ITPRID1: variants seen among roughly 807,000 people sequenced by gnomAD.
The protein encoded by ITPRID1 is protein ITPRID1.
A neutral mutation model predicts 95.4 loss-of-function variants in ITPRID1; 96 were observed. The ratio of observed to expected loss-of-function variants is 1.01; its 90% CI spans 0.85 to 1.19. ITPRID1 has a LOEUF of 1.19. ITPRID1 is among the 50% of genes most tolerant of loss of function. The probability of loss-of-function intolerance (pLI) is 0.00; values close to 1 mark genes in which losing one functional copy is unlikely to be tolerated. For synonymous variants in ITPRID1, 510 were observed against 453.6 expected (o/e 1.12, Z -1.58); for missense variants, 1,339 against 1,252.9 (o/e 1.07, Z -1.04).
Position 31,628,658 on chromosome 7 carries a change from G to A in ITPRID1, c.1229-13518G>A, listed in dbSNP as rs570568891. 9.9e-4 allele frequency among the ~76,000 whole-genome samples: 151 copies of A among 151,940 alleles called. 1 individual carries two copies. Among genetic ancestry groups the A allele is most frequent in the South Asian group, 8.9e-3 (43 of 4,806 alleles). On this transcript the variant is annotated intron_variant, in intron 10 of 14. Coordinates refer to ENST00000615280, the MANE Select transcript of ITPRID1 (RefSeq NM_001257967.3). ...TTTTTAGTAGAGACAGGGTTTCACCGTGTTAGCCAGGATGGTCTCAATCTC... is the reference window on the plus strand; with the variant it reads ...TTTTTAGTAGAGACAGGGTTTCACCATGTTAGCCAGGATGGTCTCAATCTC...
At chr7:31,631,494 T>C (rs751975203) in intron 10 of ITPRID1, among the ~76,000 whole-genome samples, 3 of 152,262 alleles carry the variant, frequency 2.0e-5, no homozygotes, top group African/African-American at 4.8e-5. Flanking sequence ...TTTTTATTTA[T>C]GATTTTTTAT....
At chr7:31,641,090 G>C (rs1462387365) in intron 10 of ITPRID1, among the ~76,000 whole-genome samples, 5 of 152,134 alleles carry the variant, frequency 3.3e-5, no homozygotes, top group Non-Finnish European at 7.4e-5. Context: ...GGACCGTTAA[G>C]GCTCTCAGGC....
At position 31,578,207 on chromosome 7, in the gene ITPRID1, C is replaced by T. The variant is rs752290831; in HGVS notation, c.943C>T (p.His315Tyr). 1 of 1,613,642 alleles carries T rather than the reference C, an allele frequency of 6.2e-7. No individual in the cohort carries two copies. The highest frequency in any genetic ancestry group is 1.1e-5 in the South Asian group (1 of 91,036). The change falls in exon 9 of 15, where the codon CAT (histidine) becomes TAT (tyrosine). Residue 315 changes from histidine to tyrosine, a missense_variant. Coordinates refer to ENST00000615280, the MANE Select transcript of ITPRID1 (RefSeq NM_001257967.3). ...AAATCATTTGTCTCTGTCAGTAGAA[C>T]ATCAGTCTCTCCAAGCCTGTGATGA... ...KQNHLSLSVEHQSLQACDDLL... is the reference protein window; with the variant it reads ...KQNHLSLSVEYQSLQACDDLL...
intron 10 of ITPRID1, among the ~76,000 whole-genome samples, chr7:31,592,447 G>A (rs541379008): frequency 6.6e-6 from 1 of 152,260 alleles, no homozygotes; most frequent in East Asian, 1.9e-4. Context: ...TACCATTCAA[G>A]TTGATTAAGA....
rs1784212559 is a variant in ITPRID1, at chr7:31,549,536, C to G, written c.-24+37C>G. 6 of 1,421,210 alleles carry G rather than the reference C, an allele frequency of 4.2e-6. No homozygotes were observed. The African/African-American group carries it at 7.1e-5, about 17-fold the overall frequency. 88.0% of individuals were successfully genotyped at this position (1,421,210 alleles called of 1,614,324 possible). A position where few individuals can be genotyped will look rare whatever the true frequency, so the allele number is the denominator to read the frequency against. ...GGATATATTTTTCATTAAATTTTCCCAAAAACTCCATAAAGTGTTTATTTC... is the reference window on the plus strand; with the variant it reads ...GGATATATTTTTCATTAAATTTTCCGAAAAACTCCATAAAGTGTTTATTTC... On this transcript the variant is annotated intron_variant, in intron 2 of 14. Transcript: ENST00000615280.
intron 1 of ITPRID1, among the ~76,000 whole-genome samples, chr7:31,522,062 C>CA (rs1783281625): frequency 6.6e-6 from 1 of 151,954 alleles, no homozygotes; most frequent in Non-Finnish European, 1.5e-5. Flanking sequence ...TTTCTTACCC[C>CA]AAAATTAGTG....
chr7:31,555,696 G>C (rs1784423397), intron 5 of ITPRID1, among the ~76,000 whole-genome samples: 1 of 152,062 alleles, frequency 6.6e-6, no homozygotes, highest in African/African-American at 2.4e-5. Flanking sequence ...CATAAATTAG[G>C]AACTTAATGG....
chr7:31,548,470 A>G lies in ITPRID1; in HGVS notation c.-97-956A>G, dbSNP rs61526462. On this transcript the variant is annotated intron_variant, in intron 1 of 14. Coordinates refer to ENST00000615280, the MANE Select transcript of ITPRID1 (RefSeq NM_001257967.3). ...TTTTTAAGGAAGAAATGAAAGAGCC[A>G]TAGCTTGAGGAACCATATCCCAGTT... Among the ~76,000 whole-genome samples the G allele has an allele frequency of 5.1e-3, 771 of 152,292 alleles. 5 individuals carry two copies. The highest frequency in any genetic ancestry group is 0.017 in the African/African-American group (727 of 41,566).
chr7:31,646,256 T>G (rs980517854), intron 12 of ITPRID1, among the ~76,000 whole-genome samples: 4 of 152,192 alleles, frequency 2.6e-5, no homozygotes, highest in Non-Finnish European at 5.9e-5. Flanking sequence ...AGAGCATGAC[T>G]GGTCAGTAGC....
intron 10 of ITPRID1, among the ~76,000 whole-genome samples, chr7:31,613,870 C>T (rs763486): frequency 0.47 from 71,413 of 152,026 alleles, 17,381 homozygotes; most frequent in African/African-American, 0.59. Flanking sequence ...TGCTTGAATA[C>T]TATGTTATGA....
intron 10 of ITPRID1, among the ~76,000 whole-genome samples, chr7:31,603,049 C>T (rs184751106): frequency 6.6e-6 from 1 of 152,198 alleles, no homozygotes; most frequent in Non-Finnish European, 1.5e-5. Context: ...GGTAGCCACA[C>T]TTCATAAAGT....
intron 10 of ITPRID1, among the ~76,000 whole-genome samples, chr7:31,632,485 G>C (rs990560974): frequency 6.6e-6 from 1 of 152,058 alleles, no homozygotes; most frequent in Non-Finnish European, 1.5e-5. Context: ...ATCCATGACA[G>C]GATGGAACCA....
At chr7:31,571,522 C>G (rs902844145) in intron 6 of ITPRID1, among the ~76,000 whole-genome samples, 1 of 152,192 alleles carries the variant, frequency 6.6e-6, no homozygotes, top group Non-Finnish European at 1.5e-5. Context: ...TATATTATGA[C>G]AGGGTTCCAC....
At position 31,527,365 on chromosome 7, in the gene ITPRID1, C is replaced by G. The variant is rs148868825; in HGVS notation, c.-98+13245C>G. Among the ~76,000 whole-genome samples, 266 of 152,342 alleles carry G rather than the reference C, an allele frequency of 1.7e-3. 4 individuals are homozygous for G. The highest frequency in any genetic ancestry group is 6.3e-3 in the African/African-American group (260 of 41,586). On this transcript the variant is annotated intron_variant, in intron 1 of 14. Transcript: ENST00000615280. Reference sequence around the variant, plus strand: ...GCCCTAGTATGCAGTATGTCAAAAACTCACTTTGTGACACTGTCAAATCTC... The same window carrying G: ...GCCCTAGTATGCAGTATGTCAAAAAGTCACTTTGTGACACTGTCAAATCTC...
At chr7:31,560,713 A>C (rs1784595495) in intron 5 of ITPRID1, among the ~76,000 whole-genome samples, 1 of 152,260 alleles carries the variant, frequency 6.6e-6, no homozygotes, top group Non-Finnish European at 1.5e-5. Flanking sequence ...GAAAAACAAT[A>C]GAAGGATAGG....
intron 3 of ITPRID1, among the ~76,000 whole-genome samples, chr7:31,553,734 T>C (rs190780210): frequency 1.8e-4 from 28 of 152,318 alleles, no homozygotes; most frequent in Admixed American, 3.9e-4. Flanking sequence ...ACCTGGCTTT[T>C]ATGGTTCACC....
intron 5 of ITPRID1, among the ~76,000 whole-genome samples, chr7:31,565,102 G>T (rs967122189): frequency 1.3e-5 from 2 of 152,128 alleles, no homozygotes; most frequent in African/African-American, 2.4e-5. Flanking sequence ...TTATTTCCCT[G>T]TGCAAGGCTC....
chr7:31,587,326 G>A (rs1213602015), intron 10 of ITPRID1, among the ~76,000 whole-genome samples: 1 of 152,034 alleles, frequency 6.6e-6, no homozygotes, highest in African/African-American at 2.4e-5. Flanking sequence ...AAAATCACAA[G>A]CATTCTTATA....
In ITPRID1 at chr7:31,553,018, C is replaced by A. The variant is rs776603611; in HGVS notation, c.-7C>A. On this transcript the variant is annotated 5_prime_UTR_variant, in exon 3 of 15. The change creates a premature stop within an existing upstream ORF in the 5' untranslated region. Transcript: ENST00000615280. ...TGTTTTAAGTTAGTTTGCAGAATTACTCTCCTATGATGGCACAGAAATCAC... is the reference window on the plus strand; with the variant it reads ...TGTTTTAAGTTAGTTTGCAGAATTAATCTCCTATGATGGCACAGAAATCAC... The A allele has an allele frequency of 5.0e-6, 8 of 1,607,194 alleles. No homozygotes were observed. Among genetic ancestry groups the A allele is most frequent in the African/African-American group, 1.3e-5 (1 of 74,944 alleles).
Sources: allele counts gnomAD v4.1 joint callset (sites outside exome capture counted in the v4.1 genomes callset), GRCh38; gene constraint gnomAD v4.1.1; transcripts MANE v1.5; gene names NCBI Gene and HGNC (gene_info 2026-07-23, HGNC 2026-07-21).